KMT5B: variants seen among roughly 807,000 people sequenced by gnomAD.
KMT5B encodes lysine methyltransferase 5B, also known as histone-lysine N-methyltransferase KMT5B.
In KMT5B, 10 loss-of-function variants were observed where a neutral mutation model predicts 83.2. The observed-to-expected ratio is 0.12, with a 90% CI of 0.07 to 0.20. KMT5B has a LOEUF of 0.20. Ranked by LOEUF, KMT5B falls within the 10% of genes least tolerant of loss-of-function variation. The probability of loss-of-function intolerance (pLI) is 1.00; values close to 1 mark genes in which losing one functional copy is unlikely to be tolerated. For synonymous variants in KMT5B, 349 were observed against 388.8 expected (o/e 0.90, Z 1.20); for missense variants, 753 against 1,067.2 (o/e 0.71, Z 4.10).
At chr11:68,177,951 T>A (rs1288991550) in intron 4 of KMT5B, among the ~76,000 whole-genome samples, 1 of 152,174 alleles carries the variant, frequency 6.6e-6, no homozygotes, top group East Asian at 1.9e-4. Context: ...CACTACATGG[T>A]TATTTGCACA....
rs74506623 is a variant in KMT5B, at chr11:68,196,349, G to A, written c.-76-6197C>T. ...CTGCCAAATCTAGTTATATACTTAT[G>A]CTATAAAACTTAAGTGAAAGCCCTT... On this transcript the variant is annotated intron_variant, in intron 1 of 10. Coordinates refer to ENST00000304363, the MANE Select transcript of KMT5B (RefSeq NM_017635.5). Among the ~76,000 whole-genome samples the A allele has an allele frequency of 5.4e-3, 823 of 151,148 alleles. 11 individuals are homozygous for A. Among genetic ancestry groups the A allele is most frequent in the African/African-American group, 0.019 (786 of 41,064 alleles).
At chr11:68,172,505 G>T (rs1419293603) in intron 6 of KMT5B, among the ~76,000 whole-genome samples, 1 of 152,022 alleles carries the variant, frequency 6.6e-6, no homozygotes, top group African/African-American at 2.4e-5. Context: ...AAAGTGCTGG[G>T]ATTACAGATG....
At chr11:68,205,145 CAA>C (rs58389289) in intron 1 of KMT5B, among the ~76,000 whole-genome samples, 2 of 142,890 alleles carry the variant, frequency 1.4e-5, no homozygotes, top group African/African-American at 2.5e-5. Flanking sequence ...TCATCTCTAC[CAA>C]AAAAAAAAAC....
chr11:68,210,792 G>A (rs151316300), intron 1 of KMT5B, among the ~76,000 whole-genome samples: 84 of 152,286 alleles, frequency 5.5e-4, no homozygotes, highest in African/African-American at 1.7e-3. Flanking sequence ...GGTCCCTATC[G>A]TCAAAAGTGT....
chr11:68,166,146 T>A, intron 10 of KMT5B: 1 of 1,411,154 alleles, frequency 7.1e-7, no homozygotes, highest in Non-Finnish European at 9.2e-7. Flanking sequence ...CAAGTGAGAC[T>A]CAAGAGTCTA....
chr11:68,170,892 T>A, intron 9 of KMT5B, 123 bp downstream of exon 9: 1 of 1,058,964 alleles, frequency 9.4e-7, no homozygotes, highest in Non-Finnish European at 1.3e-6. Flanking sequence ...CACCAGCCGC[T>A]ATGCTAAAGA....
chr11:68,196,710 C>T (rs1858757734), intron 1 of KMT5B, among the ~76,000 whole-genome samples: 2 of 151,878 alleles, frequency 1.3e-5, no homozygotes, highest in Admixed American at 6.6e-5. Context: ...TTCCCTACTG[C>T]TTGCCATTAT....
intron 1 of KMT5B, among the ~76,000 whole-genome samples, chr11:68,190,516 A>C (rs1857917266): frequency 6.6e-6 from 1 of 152,214 alleles, no homozygotes; most frequent in South Asian, 2.1e-4. Flanking sequence ...AGCTCCATGC[A>C]TGCTACTGCC....
intron 1 of KMT5B, among the ~76,000 whole-genome samples, chr11:68,208,757 G>A (rs758010763): frequency 6.6e-6 from 1 of 152,066 alleles, no homozygotes; most frequent in Non-Finnish European, 1.5e-5. Flanking sequence ...AGGCCAAGGC[G>A]AGATGATTGC....
intron 10 of KMT5B, among the ~76,000 whole-genome samples, chr11:68,165,078 G>C (rs1029876377): frequency 2.6e-5 from 4 of 152,154 alleles, no homozygotes; most frequent in African/African-American, 9.7e-5. Flanking sequence ...GAGTTCAGTA[G>C]CTATACACCA....
At chr11:68,172,408 T>A (rs909208338) in intron 6 of KMT5B, among the ~76,000 whole-genome samples, 3 of 151,536 alleles carry the variant, frequency 2.0e-5, no homozygotes, top group African/African-American at 7.3e-5. Flanking sequence ...TTTTTTTTTT[T>A]GTATTTTTAC....
chr11:68,205,916 G>A (rs1049820514), intron 1 of KMT5B, among the ~76,000 whole-genome samples: 2 of 152,020 alleles, frequency 1.3e-5, no homozygotes, highest in African/African-American at 2.4e-5. Context: ...CACCGCGCCC[G>A]GCCAGACGTT....
chr11:68,179,807 A>T (rs1398006717), intron 4 of KMT5B: 2 of 421,678 alleles, frequency 4.7e-6, no homozygotes, highest in Admixed American at 8.3e-5. Flanking sequence ...GGAGTCGCAG[A>T]TCAGCTCTTC....
chr11:68,209,433 T>C (rs1860590069), intron 1 of KMT5B, among the ~76,000 whole-genome samples: 1 of 151,858 alleles, frequency 6.6e-6, no homozygotes, highest in South Asian at 2.1e-4. Flanking sequence ...GTTAACAGGG[T>C]AGAAAAGTAC....
At chr11:68,204,611 G>GTT (rs34315868) in intron 1 of KMT5B, among the ~76,000 whole-genome samples, 3,938 of 106,020 alleles carry the variant, frequency 0.037, 156 homozygotes, top group African/African-American at 0.041. Flanking sequence ...TAAATTTCCG[G>GTT]TTTTTTTTTT....
chr11:68,209,287 G>A (rs1860565582), intron 1 of KMT5B, among the ~76,000 whole-genome samples: 1 of 152,164 alleles, frequency 6.6e-6, no homozygotes, highest in Admixed American at 6.5e-5. Flanking sequence ...TCCCAGAGCT[G>A]CCAGGCACTG....
intron 1 of KMT5B, among the ~76,000 whole-genome samples, chr11:68,206,840 A>G (rs1222652664): frequency 6.6e-6 from 1 of 152,144 alleles, no homozygotes; most frequent in Non-Finnish European, 1.5e-5. Context: ...AAAAAAGAAC[A>G]AATGTGCAAA....
chr11:68,167,926 C>T (rs576530760), intron 9 of KMT5B, among the ~76,000 whole-genome samples: 1 of 152,192 alleles, frequency 6.6e-6, no homozygotes, highest in South Asian at 2.1e-4. Context: ...AATCCCAGCA[C>T]GTTGGGAGGC....
chr11:68,200,914 GA>G (rs1486856892), intron 1 of KMT5B, among the ~76,000 whole-genome samples: 1 of 152,134 alleles, frequency 6.6e-6, no homozygotes, highest in Non-Finnish European at 1.5e-5. Flanking sequence ...ACCCAGCACT[GA>G]AATCAACAGG....
Sources: gnomAD v4.1 joint callset for allele counts (sites outside exome capture counted in the v4.1 genomes callset) on GRCh38, gnomAD v4.1.1 for gene constraint, MANE v1.5 for transcripts, NCBI Gene and HGNC (gene_info 2026-07-23, HGNC 2026-07-21) for gene names.